GRID2: variants seen among roughly 807,000 people sequenced by gnomAD.
GRID2 encodes glutamate receptor ionotropic, delta-2.
In GRID2, 33 loss-of-function variants were observed where a neutral mutation model predicts 114.8. The ratio of observed to expected loss-of-function variants is 0.29; its 90% CI spans 0.22 to 0.38. The LOEUF is 0.38. Ranked by LOEUF, GRID2 falls within the 10% of genes least tolerant of loss-of-function variation. The pLI is 1.00. For missense variants in GRID2, 1,184 were observed against 1,257.7 expected, an observed-to-expected ratio of 0.94 and a Z score of 0.89; for synonymous variants, 505 against 449.9, an observed-to-expected ratio of 1.12 and a Z score of -1.55.
chr4:92,890,718 A>T (rs1355230991), intron 2 of GRID2, among the ~76,000 whole-genome samples: 1 of 152,200 alleles, frequency 6.6e-6, no homozygotes, highest in Non-Finnish European at 1.5e-5. Flanking sequence ...TTCCTCAAGG[A>T]TATAGAACCA....
Position 92,337,147 on chromosome 4 carries a change from G to A in GRID2, c.88+32403G>A, listed in dbSNP as rs139897359. Among the ~76,000 whole-genome samples, 23 of 151,850 alleles carry A rather than the reference G, an allele frequency of 1.5e-4. No individual in the cohort carries two copies. In the South Asian group the frequency reaches 2.5e-3, roughly 16 times the overall value. Reference sequence around the variant, plus strand: ...CCATTATTTAGCATAGACTTTGCTCGTAAGACTGCACATAATCTTTTGTCC... The same window carrying A: ...CCATTATTTAGCATAGACTTTGCTCATAAGACTGCACATAATCTTTTGTCC... On this transcript the variant is annotated intron_variant, in intron 1 of 15. Transcript: ENST00000282020.
At chr4:93,623,029 T>A (rs1742353986) in intron 13 of GRID2, among the ~76,000 whole-genome samples, 1 of 152,208 alleles carries the variant, frequency 6.6e-6, no homozygotes, top group Admixed American at 6.5e-5. Flanking sequence ...TTGACATTTT[T>A]GCAATAATCA....
intron 4 of GRID2, among the ~76,000 whole-genome samples, chr4:93,172,656 A>C (rs1401232631): frequency 6.6e-6 from 1 of 152,296 alleles, no homozygotes; most frequent in South Asian, 2.1e-4. Context: ...AATCAAAAAC[A>C]TAATACAATG....
intron 2 of GRID2, among the ~76,000 whole-genome samples, chr4:92,937,225 T>G (rs1314681613): frequency 2.0e-5 from 3 of 146,846 alleles, no homozygotes; most frequent in African/African-American, 7.3e-5. Flanking sequence ...TTTCTTTCAT[T>G]GCTCATACTT....
At chr4:92,816,649 A>C (rs1296960489) in intron 2 of GRID2, among the ~76,000 whole-genome samples, 1 of 152,126 alleles carries the variant, frequency 6.6e-6, no homozygotes, top group Non-Finnish European at 1.5e-5. Flanking sequence ...TTTGCTACTA[A>C]AAGAGTTCTG....
intron 2 of GRID2, among the ~76,000 whole-genome samples, chr4:92,787,669 G>A (rs1739381822): frequency 6.6e-6 from 1 of 151,888 alleles, no homozygotes; most frequent in Admixed American, 6.6e-5. Flanking sequence ...AGCCATTACA[G>A]GATGTTGCCC....
chr4:93,611,773 G>GA (rs549633641), intron 13 of GRID2, among the ~76,000 whole-genome samples: 1 of 146,684 alleles, frequency 6.8e-6, no homozygotes, highest in African/African-American at 2.6e-5. Context: ...GTGTGGTGCT[G>GA]AAAAAAATGT....
chr4:93,208,301 A>G (rs1229486635), intron 5 of GRID2, among the ~76,000 whole-genome samples: 1 of 151,966 alleles, frequency 6.6e-6, no homozygotes, highest in Non-Finnish European at 1.5e-5. Context: ...CCTGGCTATA[A>G]AACTTGGTAG....
chr4:92,477,757 A>G (rs1025738789), intron 1 of GRID2, among the ~76,000 whole-genome samples: 2 of 147,912 alleles, frequency 1.4e-5, no homozygotes, highest in Non-Finnish European at 1.5e-5. Context: ...TTATATATTT[A>G]TATATCCTCT....
At chr4:93,417,129 C>G (rs554260391) in intron 9 of GRID2, among the ~76,000 whole-genome samples, 26 of 152,092 alleles carry the variant, frequency 1.7e-4, no homozygotes, top group Admixed American at 1.3e-3. Flanking sequence ...ATTATTTTCC[C>G]TTCTGTCCCT....
At chr4:92,504,741 C>T (rs1291149552) in intron 1 of GRID2, among the ~76,000 whole-genome samples, 1 of 151,854 alleles carries the variant, frequency 6.6e-6, no homozygotes. Flanking sequence ...CTAAAATAAT[C>T]ACACTGGCTG....
chr4:93,676,548 C>T (rs1002808105), intron 14 of GRID2, among the ~76,000 whole-genome samples: 1 of 152,054 alleles, frequency 6.6e-6, no homozygotes, highest in South Asian at 2.1e-4. Flanking sequence ...GTAACCTCCA[C>T]CCCCTTGTTA....
At chr4:92,880,521 A>T (rs142166615) in intron 2 of GRID2, among the ~76,000 whole-genome samples, 2 of 152,308 alleles carry the variant, frequency 1.3e-5, no homozygotes, top group East Asian at 1.9e-4. Flanking sequence ...CTACTGCTGC[A>T]GCTGAAGGCA....
chr4:92,931,155 T>C (rs146215177), intron 2 of GRID2, among the ~76,000 whole-genome samples: 2 of 151,056 alleles, frequency 1.3e-5, no homozygotes, highest in South Asian at 2.1e-4. Context: ...TAATAAATCA[T>C]AATGGAGCAG....
chr4:93,051,843 CT>C (rs1192837846), intron 2 of GRID2, among the ~76,000 whole-genome samples: 1 of 151,782 alleles, frequency 6.6e-6, no homozygotes, highest in Non-Finnish European at 1.5e-5. Context: ...ATTTCTTTGC[CT>C]TTTTTTCCCG....
chr4:93,336,145 A>G lies in GRID2; in HGVS notation c.1246-59462A>G, dbSNP rs192075695. Among the ~76,000 whole-genome samples the G allele has an allele frequency of 2.6e-5, 4 of 152,294 alleles. No homozygotes were observed. In the East Asian group the frequency reaches 7.7e-4, roughly 29 times the overall value. On this transcript the variant is annotated intron_variant, in intron 8 of 15. Coordinates refer to ENST00000282020, the MANE Select transcript of GRID2 (RefSeq NM_001510.4). ...AATGAAAATAAAATTGTAGATACATAAAAGCGTATATCTGTCCCTTCTCCT... is the reference window on the plus strand; with the variant it reads ...AATGAAAATAAAATTGTAGATACATGAAAGCGTATATCTGTCCCTTCTCCT...
intron 9 of GRID2, among the ~76,000 whole-genome samples, chr4:93,415,769 A>G (rs1176126198): frequency 6.6e-6 from 1 of 152,058 alleles, no homozygotes; most frequent in African/African-American, 2.4e-5. Context: ...AAAATCAATC[A>G]TCTTGCATAA....
chr4:92,405,878 AGG>A lies in GRID2; in HGVS notation c.88+101137_88+101138del, dbSNP rs1294298248. ...ACTAATAGGATAGATGTATATATAA[AGG>A]GGAGTTTATTAAGTATTAAATTACA... On this transcript the variant is annotated intron_variant, in intron 1 of 15. Coordinates refer to ENST00000282020, the MANE Select transcript of GRID2 (RefSeq NM_001510.4). Among the ~76,000 whole-genome samples, 4 of 152,246 alleles carry A rather than the reference AGG, an allele frequency of 2.6e-5. No homozygotes were observed. In the East Asian group the frequency reaches 5.8e-4, roughly 22 times the overall value.
chr4:92,731,235 T>C (rs888672382), intron 2 of GRID2, among the ~76,000 whole-genome samples: 2 of 151,726 alleles, frequency 1.3e-5, no homozygotes, highest in Non-Finnish European at 2.9e-5. Flanking sequence ...TAAGTGATTT[T>C]TTTTTTTCTT....
Sources: gnomAD v4.1 joint callset for allele counts (sites outside exome capture counted in the v4.1 genomes callset) on GRCh38, gnomAD v4.1.1 for gene constraint, MANE v1.5 for transcripts, NCBI Gene and HGNC (gene_info 2026-07-23, HGNC 2026-07-21) for gene names.